RBAK: variants seen among roughly 807,000 people sequenced by gnomAD.
RBAK encodes the protein RB associated KRAB zinc finger.
RBAK carries 39 observed loss-of-function variants against 65.8 expected under a neutral mutation model. The observed-to-expected ratio is 0.59, with a 90% CI of 0.46 to 0.77. RBAK has a LOEUF of 0.77. Ranked by LOEUF, RBAK falls within the 30% of genes least tolerant of loss-of-function variation. RBAK has a pLI of 0.00. For synonymous variants in RBAK, 343 were observed against 289.7 expected (o/e 1.18, Z -1.87); for missense variants, 884 against 855.1 (o/e 1.03, Z -0.42).
intron 4 of RBAK, among the ~76,000 whole-genome samples, chr7:5,059,381 C>T (rs1179476610): frequency 6.6e-6 from 1 of 152,020 alleles, no homozygotes; most frequent in Non-Finnish European, 1.5e-5. Context: ...AGTGCAATGG[C>T]ATGATCTCGG....
At chr7:5,059,664 A>G (rs1779020485) in intron 4 of RBAK, among the ~76,000 whole-genome samples, 1 of 152,222 alleles carries the variant, frequency 6.6e-6, no homozygotes, top group Non-Finnish European at 1.5e-5. Context: ...TTCATGGTTC[A>G]TTGACCACTC....
chr7:5,063,544 AAG>A lies in RBAK; in HGVS notation c.239-147_239-146del, dbSNP rs1158803518. 5.2e-5 allele frequency: 30 copies of A among 578,150 alleles called. 1 individual carries two copies. In the Admixed American group the frequency reaches 1.0e-3, roughly 20 times the overall value. 35.8% of individuals were successfully genotyped at this position (578,150 alleles called of 1,614,324 possible). On this transcript the variant is annotated intron_variant, in intron 4 of 4. Coordinates refer to ENST00000396912, the MANE Select transcript of RBAK (RefSeq NM_021163.4). The stretch of plus-strand genomic sequence containing the variant: ...GTTTTGTATTCCAAACCAAAGGAAA[AAG>A]AGAACTATGCATTTGTAATTATTTT...
chr7:5,065,690 G>A lies in RBAK; in HGVS notation c.*89G>A, dbSNP rs1217769391. The stretch of plus-strand genomic sequence containing the variant: ...TCAAAGCGTTTATCTGAGAGTTCGT[G>A]TTCCTGAACGGTGAGAAGCATTTAG... On this transcript the variant is annotated 3_prime_UTR_variant, in exon 5 of 5. Coordinates refer to ENST00000396912, the MANE Select transcript of RBAK (RefSeq NM_021163.4). This position sits in a 1 kb window ranked among gnomAD's most constrained non-coding sequence, Gnocchi z 5.3. 7 of 981,692 alleles carry A rather than the reference G, an allele frequency of 7.1e-6. No individual in the cohort carries two copies. Among genetic ancestry groups the A allele is most frequent in the Non-Finnish European group, 9.9e-6 (7 of 704,866 alleles). 60.8% of individuals were successfully genotyped at this position (981,692 alleles called of 1,614,324 possible).
intron 2 of RBAK, among the ~76,000 whole-genome samples, chr7:5,051,424 A>G (rs1788115443): frequency 6.6e-6 from 1 of 152,150 alleles, no homozygotes; most frequent in Admixed American, 6.6e-5. Flanking sequence ...GTTTTAGATT[A>G]TATCTCATAA....
chr7:5,064,752 C>T lies in RBAK; in HGVS notation c.1296C>T (p.Ser432=), dbSNP rs374807926. The change falls in exon 5 of 5, where the codon AGC becomes AGT. Residue 432 remains serine, a synonymous_variant. Transcript: ENST00000396912. This position sits in a 1 kb window ranked among gnomAD's most constrained non-coding sequence, Gnocchi z 6.3. ...CGGGAGAGAAGCCCTATCAGTGTAGCGAGTGTGGGAAATTCTTTTCTCGGG... is the reference window on the plus strand; with the variant it reads ...CGGGAGAGAAGCCCTATCAGTGTAGTGAGTGTGGGAAATTCTTTTCTCGGG... ...THTGEKPYQC[S]ECGKFFSRVS... The T allele has an allele frequency of 3.6e-5, 58 of 1,613,742 alleles. No individual in the cohort carries two copies. Among genetic ancestry groups the T allele is most frequent in the Non-Finnish European group, 4.2e-5 (49 of 1,179,856 alleles).
chr7:5,065,137 C>G lies in RBAK; in HGVS notation c.1681C>G (p.His561Asp). The change falls in exon 5 of 5, where the codon CAT (histidine) becomes GAT (aspartate). Residue 561 changes from histidine to aspartate, a missense_variant. Physicochemically the swap from His to Asp is moderately conservative, Grantham distance 81. Transcript: ENST00000396912. This position sits in a 1 kb window ranked among gnomAD's most constrained non-coding sequence, Gnocchi z 5.3. ...LSYYTEHYRS[H>D]SEEKPYGCSE... is the part of the protein sequence containing the mutation. ...ATACTATACTGAACATTATAGAAGT[C>G]ATTCAGAAGAGAAACCTTATGGATG... 6.2e-7 allele frequency: 1 copy of G among 1,613,880 alleles called. No individual in the cohort carries two copies. The highest frequency in any genetic ancestry group is 8.5e-7 in the Non-Finnish European group (1 of 1,179,916).
At chr7:5,057,862 G>T (rs552100089) in intron 4 of RBAK, 83 bp downstream of exon 4, 163 of 1,443,142 alleles carry the variant, frequency 1.1e-4, no homozygotes, top group Non-Finnish European at 1.5e-4. Context: ...TATGTATTCA[G>T]TACCCTCAGT....
At chr7:5,053,011 C>G (rs1788150820) in intron 2 of RBAK, among the ~76,000 whole-genome samples, 1 of 152,222 alleles carries the variant, frequency 6.6e-6, no homozygotes, top group Non-Finnish European at 1.5e-5. Context: ...CTGTCTGCCT[C>G]AGCCTCCCAA....
At chr7:5,049,057 C>T (rs1039822656) in intron 2 of RBAK, among the ~76,000 whole-genome samples, 34 of 152,204 alleles carry the variant, frequency 2.2e-4, no homozygotes, top group Non-Finnish European at 7.3e-5. Flanking sequence ...CCATCCATGA[C>T]ATCATTTGCA....
At chr7:5,049,833 C>A (rs1788077069) in intron 2 of RBAK, among the ~76,000 whole-genome samples, 1 of 152,132 alleles carries the variant, frequency 6.6e-6, no homozygotes, top group Non-Finnish European at 1.5e-5. Flanking sequence ...ACACGATCCT[C>A]CTGCCTCAGC....
chr7:5,062,434 G>A (rs1779100699), intron 4 of RBAK, among the ~76,000 whole-genome samples: 1 of 152,178 alleles, frequency 6.6e-6, no homozygotes, highest in African/African-American at 2.4e-5. Context: ...GGGAGGGAGT[G>A]TACAAACAGG....
At chr7:5,055,999 C>T (rs927864798) in intron 2 of RBAK, among the ~76,000 whole-genome samples, 3 of 151,808 alleles carry the variant, frequency 2.0e-5, no homozygotes, top group African/African-American at 7.3e-5. Flanking sequence ...CTTCCTTTTT[C>T]TAAACTACAA....
chr7:5,047,677 C>G (rs1026691142), intron 1 of RBAK, among the ~76,000 whole-genome samples: 18 of 142,172 alleles, frequency 1.3e-4, no homozygotes, highest in Admixed American at 3.0e-4. Flanking sequence ...GGTCTCGGCT[C>G]ACTGCAACCT....
chr7:5,065,290 A>C lies in RBAK; in HGVS notation c.1834A>C (p.Ile612Leu). ...KFFSQKSYLT[I>L]HHRIHSGEKP... ...CTTCTCTCAGAAATCATATCTCACT[A>C]TACATCATCGAATTCATTCAGGAGA... Residue 612 changes from isoleucine to leucine, a missense_variant, in exon 5 of 5, where the codon ATA (isoleucine) becomes CTA (leucine). Coordinates refer to ENST00000396912, the MANE Select transcript of RBAK (RefSeq NM_021163.4). This position sits in a 1 kb window ranked among gnomAD's most constrained non-coding sequence, Gnocchi z 5.3. The C allele has an allele frequency of 6.2e-7, 1 of 1,614,008 alleles. No homozygotes were observed. Among genetic ancestry groups the C allele is most frequent in the Non-Finnish European group, 8.5e-7 (1 of 1,179,914 alleles).
rs963862967 is a variant in RBAK, at chr7:5,063,863, A to G, written c.407A>G (p.Asn136Ser). 3.1e-6 allele frequency: 5 copies of G among 1,614,096 alleles called. No individual in the cohort carries two copies. The highest frequency in any genetic ancestry group is 3.4e-6 in the Non-Finnish European group (4 of 1,180,000). ...GTTCCTTCAAGCATAATAGCTCATA[A>G]TTGTGTCTCATGTGGAAAGAATTTA... is the stretch of plus-strand genomic sequence containing the variant. The part of the protein sequence containing the change: ...SLVPSSIIAH[N>S]CVSCGKNLES... Residue 136 changes from asparagine to serine, a missense_variant, in exon 5 of 5, where the codon AAT (asparagine) becomes AGT (serine). Asn to Ser is a conservative substitution (Grantham distance 46). Transcript: ENST00000396912.
At position 5,066,327 on chromosome 7, in the gene RBAK, C is replaced by T. The variant is rs1332791460; in HGVS notation, c.*726C>T. On this transcript the variant is annotated 3_prime_UTR_variant, in exon 5 of 5. Transcript: ENST00000396912. ...ACAAATGGGTTTTTAACAAATGCCT[C>T]ATTAGTACAGGAGGCAGTCGTTTTG... is the stretch of plus-strand genomic sequence containing the variant. 2 of 152,336 alleles carry T rather than the reference C, an allele frequency of 1.3e-5. No individual in the cohort carries two copies. The highest frequency in any genetic ancestry group is 2.9e-5 in the Non-Finnish European group (2 of 67,982). The allele number at this position is 152,336 out of a possible 1,614,324, so 9.4% of individuals were successfully genotyped here. A position where few individuals can be genotyped will look rare whatever the true frequency, so the allele number is the denominator to read the frequency against.
chr7:5,047,057 T>C (rs1583450309), intron 1 of RBAK, among the ~76,000 whole-genome samples: 2 of 152,214 alleles, frequency 1.3e-5, no homozygotes, highest in African/African-American at 4.8e-5. Context: ...AGAGCTCACA[T>C]ACTCAATTCC....
intron 4 of RBAK, among the ~76,000 whole-genome samples, chr7:5,062,344 G>A (rs1779095320): frequency 6.6e-6 from 1 of 152,058 alleles, no homozygotes; most frequent in Admixed American, 6.6e-5. Flanking sequence ...GGCGTCCGGG[G>A]GAGACATCAC....
At chr7:5,061,025 T>C (rs1383287622) in intron 4 of RBAK, among the ~76,000 whole-genome samples, 4 of 152,248 alleles carry the variant, frequency 2.6e-5, no homozygotes, top group Admixed American at 2.0e-4. Context: ...CTCTTGTTTG[T>C]ATTCAGAATT....
Sources: gnomAD v4.1 joint callset for allele counts (sites outside exome capture counted in the v4.1 genomes callset) on GRCh38, gnomAD v4.1.1 for gene constraint, Gnocchi (gnomAD v3.1) non-coding constraint, MANE v1.5 for transcripts, NCBI Gene and HGNC (gene_info 2026-07-23, HGNC 2026-07-21) for gene names.